The following CNTNAP2 variants were observed in gnomAD, a reference collection of about 807,000 sequenced individuals.
CNTNAP2 encodes contactin-associated protein-like 2.
A neutral mutation model predicts 155.2 loss-of-function variants in CNTNAP2; 98 were observed. The observed-to-expected ratio is 0.63, with a 90% CI of 0.54 to 0.75. The LOEUF is 0.75. Ranked by LOEUF, CNTNAP2 falls within the 30% of genes least tolerant of loss-of-function variation. The pLI is 0.00. For missense variants in CNTNAP2, 1,727 were observed against 1,688.1 expected (o/e 1.02, Z -0.40); for synonymous variants, 651 against 631.2 (o/e 1.03, Z -0.47).
At chr7:146,394,907 G>C (rs1275110124) in intron 1 of CNTNAP2, among the ~76,000 whole-genome samples, 40 of 151,974 alleles carry the variant, frequency 2.6e-4, no homozygotes, top group Admixed American at 2.6e-3. Context: ...CCACCTGTTT[G>C]CATCTCCAGT....
intron 2 of CNTNAP2, among the ~76,000 whole-genome samples, chr7:146,779,552 T>C (rs965089486): frequency 9.2e-5 from 14 of 152,204 alleles, no homozygotes; most frequent in Non-Finnish European, 1.9e-4. Flanking sequence ...ATTTATGCTG[T>C]TATAGCCAGA....
chr7:148,383,529 T>C, intron 21 of CNTNAP2, 120 bp from the exon 22 acceptor site: 1 of 1,405,470 alleles, frequency 7.1e-7, no homozygotes, highest in Non-Finnish European at 1.0e-6. Context: ...TCCAAAACAA[T>C]GTAACATCTT....
At chr7:148,094,768 T>C (rs1198031847) in intron 15 of CNTNAP2, among the ~76,000 whole-genome samples, 1 of 152,242 alleles carries the variant, frequency 6.6e-6, no homozygotes, top group African/African-American at 2.4e-5. Context: ...AGTTTGGTTT[T>C]AGACTTGCTC....
intron 8 of CNTNAP2, among the ~76,000 whole-genome samples, chr7:147,193,890 C>G (rs1802729560): frequency 6.6e-6 from 1 of 151,200 alleles, no homozygotes. Flanking sequence ...CTCATAATGA[C>G]AATACTGTGG....
At chr7:147,449,193 G>A (rs937306259) in intron 10 of CNTNAP2, among the ~76,000 whole-genome samples, 3 of 151,922 alleles carry the variant, frequency 2.0e-5, no homozygotes, top group African/African-American at 7.2e-5. Flanking sequence ...CCTACAAAAA[G>A]AAATCTTAGC....
Position 148,416,005 on chromosome 7 carries a change from G to A in CNTNAP2, c.*389G>A, listed in dbSNP as rs1264494895. Reference sequence around the variant, plus strand: ...AGAACGTGGGTATTTTTTTTCTTGAGAAAAGCTAATGCACCTACAGATGGC... The same window carrying A: ...AGAACGTGGGTATTTTTTTTCTTGAAAAAAGCTAATGCACCTACAGATGGC... On this transcript the variant is annotated 3_prime_UTR_variant, in exon 24 of 24. Transcript: ENST00000361727. 1 of 230,130 alleles carries A rather than the reference G, an allele frequency of 4.3e-6. No homozygotes were observed. The highest frequency in any genetic ancestry group is 2.3e-5 in the African/African-American group (1 of 43,618). The allele number at this position is 230,130 out of a possible 1,614,324, so 14.3% of individuals were successfully genotyped here. A position where few individuals can be genotyped will look rare whatever the true frequency, so the allele number is the denominator to read the frequency against.
chr7:147,438,086 A>G (rs1232566060), intron 10 of CNTNAP2, among the ~76,000 whole-genome samples: 4 of 152,036 alleles, frequency 2.6e-5, no homozygotes, highest in South Asian at 2.1e-4. Flanking sequence ...TTCCATTCCA[A>G]TTTGAATGCC....
At chr7:146,393,947 G>A (rs1391484026) in intron 1 of CNTNAP2, among the ~76,000 whole-genome samples, 1 of 152,092 alleles carries the variant, frequency 6.6e-6, no homozygotes, top group Non-Finnish European at 1.5e-5. Context: ...TGTTGACTAA[G>A]AAGCAAAAAT....
At chr7:146,725,520 G>A (rs1199218153) in intron 1 of CNTNAP2, among the ~76,000 whole-genome samples, 2 of 152,122 alleles carry the variant, frequency 1.3e-5, no homozygotes, top group East Asian at 1.9e-4. Context: ...CAGGTTTAAA[G>A]GATGAGAGGA....
chr7:146,824,794 A>C (rs1803367872), intron 2 of CNTNAP2, among the ~76,000 whole-genome samples: 1 of 151,730 alleles, frequency 6.6e-6, no homozygotes, highest in Non-Finnish European at 1.5e-5. Context: ...GGTCATAAAG[A>C]TGTGGGAAAA....
intron 13 of CNTNAP2, among the ~76,000 whole-genome samples, chr7:147,658,500 G>C (rs915520811): frequency 2.0e-5 from 3 of 152,154 alleles, no homozygotes; most frequent in Non-Finnish European, 2.9e-5. Context: ...TATATGGAGA[G>C]CCAAATTGTA....
At chr7:146,886,941 G>T (rs1033348848) in intron 3 of CNTNAP2, among the ~76,000 whole-genome samples, 5 of 151,568 alleles carry the variant, frequency 3.3e-5, no homozygotes, top group African/African-American at 1.2e-4. Flanking sequence ...AGTGACGTCT[G>T]CCCTGCTGCT....
intron 14 of CNTNAP2, among the ~76,000 whole-genome samples, chr7:147,952,745 C>A (rs1800957611): frequency 6.6e-6 from 1 of 152,112 alleles, no homozygotes; most frequent in South Asian, 2.1e-4. Context: ...AAAATGAAAG[C>A]TTCCTGAAAT....
intron 15 of CNTNAP2, among the ~76,000 whole-genome samples, chr7:148,051,564 A>G (rs550555405): frequency 6.6e-6 from 1 of 152,332 alleles, no homozygotes; most frequent in East Asian, 1.9e-4. Context: ...GAATGTCAGA[A>G]TACTGTTTAC....
intron 4 of CNTNAP2, among the ~76,000 whole-genome samples, chr7:147,079,668 C>G (rs1178146989): frequency 6.6e-6 from 1 of 151,326 alleles, no homozygotes; most frequent in Non-Finnish European, 1.5e-5. Flanking sequence ...CTGCCTGACT[C>G]CTTCTTTATA....
At chr7:147,555,678 C>A (rs1799939003) in intron 11 of CNTNAP2, among the ~76,000 whole-genome samples, 1 of 152,188 alleles carries the variant, frequency 6.6e-6, no homozygotes, top group Admixed American at 6.5e-5. Flanking sequence ...TCAGCTTTGA[C>A]TTATGAGTAA....
chr7:147,531,641 C>T (rs1029288075), intron 11 of CNTNAP2, among the ~76,000 whole-genome samples: 3 of 152,140 alleles, frequency 2.0e-5, no homozygotes, highest in Non-Finnish European at 4.4e-5. Flanking sequence ...CCACTTTTTC[C>T]TCATGGGCCT....
chr7:147,198,232 C>A (rs571599979), intron 8 of CNTNAP2, among the ~76,000 whole-genome samples: 1 of 113,094 alleles, frequency 8.8e-6, no homozygotes, highest in South Asian at 3.1e-4. Context: ...TTCCAATATC[C>A]TTTTTTTTTT....
intron 1 of CNTNAP2, among the ~76,000 whole-genome samples, chr7:146,253,039 CAT>C (rs1217180686): frequency 3.3e-5 from 5 of 152,246 alleles, no homozygotes; most frequent in African/African-American, 4.8e-5. Flanking sequence ...ACCAAACTCA[CAT>C]AGTTAATAAA....
Sources: gnomAD v4.1 joint callset for allele counts (sites outside exome capture counted in the v4.1 genomes callset) on GRCh38, gnomAD v4.1.1 for gene constraint, MANE v1.5 for transcripts, NCBI Gene and HGNC (gene_info 2026-07-23, HGNC 2026-07-21) for gene names.